The following PTPRD variants were observed in gnomAD, a reference collection of about 807,000 sequenced individuals.
The protein encoded by PTPRD is receptor-type tyrosine-protein phosphatase delta.
A neutral mutation model predicts 214.5 loss-of-function variants in PTPRD; 34 were observed. The ratio of observed to expected loss-of-function variants is 0.16; its 90% CI spans 0.12 to 0.21. PTPRD has a LOEUF of 0.21. Among genes scored for constraint, PTPRD ranks in the 10% least tolerant of loss-of-function variants. PTPRD has a pLI of 1.00. For missense variants in PTPRD, 2,545 were observed against 2,398.7 expected, an observed-to-expected ratio of 1.06 and a Z score of -1.27; for synonymous variants, 1,128 against 845.7, an observed-to-expected ratio of 1.33 and a Z score of -5.79.
In PTPRD at chr9:8,398,492, T is replaced by A. The variant is rs539731176; in HGVS notation, c.4210+6045A>T. On this transcript the variant is annotated intron_variant, in intron 36 of 45. Coordinates refer to ENST00000381196, the MANE Select transcript of PTPRD (RefSeq NM_002839.4). Reference sequence around the variant, plus strand: ...GGAACTTTAAATATATGACCCTTTCTGTAAGAAAAAAATAACACACTGCTC... The same window carrying A: ...GGAACTTTAAATATATGACCCTTTCAGTAAGAAAAAAATAACACACTGCTC... 1.1e-4 allele frequency among the ~76,000 whole-genome samples: 16 copies of A among 152,246 alleles called. No homozygotes were observed. The South Asian group carries it at 3.1e-3, about 30-fold the overall frequency.
chr9:9,211,803 T>C (rs1196077060), intron 9 of PTPRD, among the ~76,000 whole-genome samples: 1 of 145,318 alleles, frequency 6.9e-6, no homozygotes, highest in East Asian at 2.0e-4. Flanking sequence ...AAACTGGTAC[T>C]ATTTTTTTTT....
Position 8,805,996 on chromosome 9 carries a change from G to C in PTPRD, c.-103-72050C>G, listed in dbSNP as rs1260002284. Among the ~76,000 whole-genome samples, 3 of 93,154 alleles carry C rather than the reference G, an allele frequency of 3.2e-5. No individual in the cohort carries two copies. The East Asian group carries it at 9.7e-4, about 30-fold the overall frequency. 61.1% of individuals were successfully genotyped at this position (93,154 alleles called of 152,430 possible). On this transcript the variant is annotated intron_variant, in intron 11 of 45. Coordinates refer to ENST00000381196, the MANE Select transcript of PTPRD (RefSeq NM_002839.4). ...GGCTACAGAACGAGACTCCGTCTCA[G>C]AAAAAAAAAAAAAAAAGAAAGAAAA...
chr9:8,553,828 G>A (rs2082851634), intron 14 of PTPRD, among the ~76,000 whole-genome samples: 1 of 152,140 alleles, frequency 6.6e-6, no homozygotes, highest in Non-Finnish European at 1.5e-5. Context: ...AACTTAAGGA[G>A]ATGGAGCACC....
intron 11 of PTPRD, among the ~76,000 whole-genome samples, chr9:8,829,745 T>C (rs1289909605): frequency 1.3e-5 from 2 of 152,156 alleles, no homozygotes; most frequent in Non-Finnish European, 1.5e-5. Flanking sequence ...GAAACAACCA[T>C]AGAATCAGCT....
intron 9 of PTPRD, among the ~76,000 whole-genome samples, chr9:9,270,165 C>T (rs60255666): frequency 0.17 from 25,007 of 150,794 alleles, 2,576 homozygotes; most frequent in African/African-American, 0.3. Context: ...ACAAATTATA[C>T]GTAAAACAAA....
chr9:8,530,616 G>T (rs1483888867), intron 14 of PTPRD, among the ~76,000 whole-genome samples: 1 of 152,016 alleles, frequency 6.6e-6, no homozygotes, highest in East Asian at 1.9e-4. Flanking sequence ...TGGGTTTCCA[G>T]ATTTTAAGAG....
chr9:10,584,975 T>C (rs2073427662), intron 2 of PTPRD, among the ~76,000 whole-genome samples: 1 of 152,108 alleles, frequency 6.6e-6, no homozygotes, highest in Non-Finnish European at 1.5e-5. Flanking sequence ...ATTGAACACT[T>C]TTTAGCTTTC....
intron 43 of PTPRD, among the ~76,000 whole-genome samples, chr9:8,333,812 A>T (rs1843882561): frequency 6.6e-6 from 1 of 151,914 alleles, no homozygotes; most frequent in Non-Finnish European, 1.5e-5. Flanking sequence ...ACATAGGCTC[A>T]ACATAAAGGG....
At chr9:8,712,454 T>A (rs1391520167) in intron 12 of PTPRD, among the ~76,000 whole-genome samples, 1 of 152,098 alleles carries the variant, frequency 6.6e-6, no homozygotes, top group Admixed American at 6.6e-5. Context: ...TGCCTTTTTT[T>A]TTTTTCTTTT....
intron 2 of PTPRD, among the ~76,000 whole-genome samples, chr9:10,418,618 T>G (rs372763205): frequency 6.6e-6 from 1 of 151,840 alleles, no homozygotes; most frequent in South Asian, 2.1e-4. Flanking sequence ...CCACTCCCAC[T>G]TCCACCCTAG....
At chr9:8,748,857 C>A (rs970124154) in intron 11 of PTPRD, among the ~76,000 whole-genome samples, 1 of 151,964 alleles carries the variant, frequency 6.6e-6, no homozygotes, top group African/African-American at 2.4e-5. Flanking sequence ...TTGTGGTAAG[C>A]CAAGATTGCG....
chr9:9,680,988 T>C (rs1282583605), intron 7 of PTPRD, among the ~76,000 whole-genome samples: 5 of 151,828 alleles, frequency 3.3e-5, no homozygotes, highest in African/African-American at 7.2e-5. Context: ...TTTAGTTCTT[T>C]AATATGGGAC....
At chr9:9,452,788 G>C (rs1186050828) in intron 8 of PTPRD, among the ~76,000 whole-genome samples, 5 of 151,216 alleles carry the variant, frequency 3.3e-5, no homozygotes, top group East Asian at 1.9e-4. Context: ...ATAATAATTT[G>C]CTTAATATTT....
chr9:8,817,131 G>T (rs1275137636), intron 11 of PTPRD, among the ~76,000 whole-genome samples: 2 of 152,158 alleles, frequency 1.3e-5, no homozygotes, highest in African/African-American at 4.8e-5. Context: ...GCCATTTTAT[G>T]TTACTGACAT....
chr9:10,369,927 G>C (rs921705217), intron 2 of PTPRD, among the ~76,000 whole-genome samples: 3 of 152,070 alleles, frequency 2.0e-5, no homozygotes, highest in African/African-American at 7.2e-5. Context: ...CAAGTAGTGA[G>C]CTTGTGCTTA....
chr9:8,343,754 T>C (rs926674827), intron 39 of PTPRD, among the ~76,000 whole-genome samples: 2 of 151,978 alleles, frequency 1.3e-5, no homozygotes, highest in Non-Finnish European at 2.9e-5. Context: ...AAAAAATATT[T>C]GTGTGCCCTA....
At chr9:8,883,915 C>A (rs1321707211) in intron 11 of PTPRD, among the ~76,000 whole-genome samples, 1 of 152,056 alleles carries the variant, frequency 6.6e-6, no homozygotes, top group Non-Finnish European at 1.5e-5. Flanking sequence ...ATTATTTTCT[C>A]CCACAGAATT....
chr9:9,948,759 C>G (rs1015624554), intron 4 of PTPRD, among the ~76,000 whole-genome samples: 3 of 151,830 alleles, frequency 2.0e-5, no homozygotes, highest in Non-Finnish European at 4.4e-5. Flanking sequence ...GATTTATTAG[C>G]CTAACCCAAT....
intron 3 of PTPRD, among the ~76,000 whole-genome samples, chr9:10,255,833 T>C (rs530254539): frequency 4.7e-4 from 72 of 152,314 alleles, no homozygotes; most frequent in Non-Finnish European, 9.1e-4. Flanking sequence ...CTTTTAAAAC[T>C]GTTTTGAAAA....
Sources: gnomAD v4.1 joint callset for allele counts (sites outside exome capture counted in the v4.1 genomes callset) on GRCh38, gnomAD v4.1.1 for gene constraint, MANE v1.5 for transcripts, NCBI Gene and HGNC (gene_info 2026-07-23, HGNC 2026-07-21) for gene names.